Variants in LRRC4C observed in about 807,000 individuals in gnomAD.
LRRC4C encodes leucine-rich repeat-containing protein 4C.
A neutral mutation model predicts 33.6 loss-of-function variants in LRRC4C; 5 were observed. That is an observed-to-expected ratio of 0.15 (90% CI 0.08 to 0.31). The LOEUF is 0.31. LRRC4C is among the 10% of genes least tolerant of loss of function. LRRC4C has a pLI of 1.00. For synonymous variants in LRRC4C, 329 were observed against 302.0 expected, an observed-to-expected ratio of 1.09 and a Z score of -0.93; for missense variants, 560 against 796.7, an observed-to-expected ratio of 0.70 and a Z score of 3.58.
At chr11:40,418,660 C>T (rs12226351) in intron 3 of LRRC4C, among the ~76,000 whole-genome samples, 51,527 of 152,084 alleles carry the variant, frequency 0.34, 9,902 homozygotes, top group South Asian at 0.46. Flanking sequence ...TGCATGCACA[C>T]GTATGTTCAC....
chr11:41,115,880 G>A (rs1942094949), intron 1 of LRRC4C, among the ~76,000 whole-genome samples: 1 of 152,120 alleles, frequency 6.6e-6, no homozygotes, highest in East Asian at 1.9e-4. Context: ...CTATTTGCCT[G>A]CCTCCTAGCT....
At chr11:40,212,762 G>A (rs750298099) in intron 5 of LRRC4C, among the ~76,000 whole-genome samples, 5 of 152,088 alleles carry the variant, frequency 3.3e-5, no homozygotes, top group African/African-American at 4.8e-5. Flanking sequence ...CTTGTACAAG[G>A]TCACATACCT....
At chr11:41,429,419 A>G (rs1414328715) in intron 1 of LRRC4C, among the ~76,000 whole-genome samples, 3 of 152,180 alleles carry the variant, frequency 2.0e-5, no homozygotes, top group Non-Finnish European at 4.4e-5. Context: ...CATGGGATTG[A>G]GTAGTCTTGT....
chr11:41,174,974 ATTAAT>A (rs1331876125), intron 1 of LRRC4C, among the ~76,000 whole-genome samples: 1 of 151,896 alleles, frequency 6.6e-6, no homozygotes, highest in Non-Finnish European at 1.5e-5. Flanking sequence ...AATTAATTAA[ATTAAT>A]TTAATTAATG....
At chr11:40,457,313 C>G (rs1380235579) in intron 3 of LRRC4C, among the ~76,000 whole-genome samples, 1 of 151,856 alleles carries the variant, frequency 6.6e-6, no homozygotes, top group Non-Finnish European at 1.5e-5. Context: ...TAAATTCATA[C>G]CCATTGTATA....
At chr11:40,409,723 T>C (rs1315073176) in intron 3 of LRRC4C, among the ~76,000 whole-genome samples, 2 of 151,818 alleles carry the variant, frequency 1.3e-5, no homozygotes, top group Non-Finnish European at 2.9e-5. Context: ...ATAAAAAAGA[T>C]GAAAATAACA....
chr11:40,115,983 T>C lies in LRRC4C; in HGVS notation c.310A>G (p.Ile104Val). 6.2e-7 allele frequency: 1 copy of C among 1,614,084 alleles called. No individual in the cohort carries two copies. The highest frequency in any genetic ancestry group is 8.5e-7 in the Non-Finnish European group (1 of 1,180,008). The stretch of plus-strand genomic sequence containing the variant: ...ATATGGTTCCTACTCAACTGTAGGA[T>C]TTCCAAGTGTCTCAAGTGCTTGAAG... ...NSFKHLRHLE[I>V]LQLSRNHIRT... Residue 104 changes from isoleucine to valine, a missense_variant, in exon 7 of 7, where the codon ATC becomes GTC. By Grantham distance (29) the Ile-to-Val change is conservative (BLOSUM62 3). This residue lies in a region of LRRC4C where 455 missense variants were observed against 643.8 expected (regional missense o/e 0.71). Transcript: ENST00000528697. The surrounding 1 kb of genome is among the most constrained non-coding windows in gnomAD (Gnocchi z 6.7).
chr11:40,364,253 A>G (rs1278185995), intron 3 of LRRC4C, among the ~76,000 whole-genome samples: 1 of 152,158 alleles, frequency 6.6e-6, no homozygotes, highest in Non-Finnish European at 1.5e-5. Flanking sequence ...CAAAAAAATC[A>G]GCCAATGAAA....
intron 3 of LRRC4C, among the ~76,000 whole-genome samples, chr11:40,587,871 G>A (rs189292924): frequency 7.9e-5 from 12 of 152,188 alleles, no homozygotes; most frequent in Non-Finnish European, 1.3e-4. Flanking sequence ...TGCTGGATTC[G>A]TTTTGCCACT....
intron 1 of LRRC4C, among the ~76,000 whole-genome samples, chr11:41,409,469 C>A (rs2138196603): frequency 6.6e-6 from 1 of 152,220 alleles, no homozygotes; most frequent in East Asian, 1.9e-4. Context: ...TTATTTAATC[C>A]TCATGAAATT....
intron 3 of LRRC4C, among the ~76,000 whole-genome samples, chr11:40,440,295 CTTTCTTT>C (rs1482892077): frequency 5.8e-5 from 7 of 120,732 alleles, no homozygotes; most frequent in East Asian, 5.2e-4. Context: ...AGTTTGGTCT[CTTTCTTT>C]TTTTTTTTTT....
At chr11:40,298,151 A>G (rs1429676259) in intron 4 of LRRC4C, among the ~76,000 whole-genome samples, 2 of 152,234 alleles carry the variant, frequency 1.3e-5, no homozygotes, top group African/African-American at 2.4e-5. Context: ...AAGATGAGAT[A>G]CTTGTCATAA....
At chr11:40,696,548 T>C (rs987165222) in intron 2 of LRRC4C, among the ~76,000 whole-genome samples, 2 of 149,114 alleles carry the variant, frequency 1.3e-5, no homozygotes, top group South Asian at 2.1e-4. Flanking sequence ...GTATTTTTCT[T>C]TTTATTGACT....
chr11:40,921,998 G>A (rs1396774729), intron 2 of LRRC4C, among the ~76,000 whole-genome samples: 1 of 152,116 alleles, frequency 6.6e-6, no homozygotes, highest in African/African-American at 2.4e-5. Flanking sequence ...AAATGGCAGT[G>A]TCTCATGAGT....
At chr11:40,401,238 T>C (rs1440890647) in intron 3 of LRRC4C, among the ~76,000 whole-genome samples, 2 of 151,546 alleles carry the variant, frequency 1.3e-5, no homozygotes, top group South Asian at 2.1e-4. Context: ...AATCTCCCTC[T>C]CTCTCTCTCT....
chr11:40,398,199 C>T (rs1949617580), intron 3 of LRRC4C, among the ~76,000 whole-genome samples: 1 of 151,476 alleles, frequency 6.6e-6, no homozygotes, highest in African/African-American at 2.4e-5. Flanking sequence ...TATGGCTTAC[C>T]AATATGAAGA....
intron 1 of LRRC4C, among the ~76,000 whole-genome samples, chr11:40,959,848 AC>A (rs1192753044): frequency 3.3e-5 from 5 of 151,696 alleles, no homozygotes; most frequent in Non-Finnish European, 5.9e-5. Context: ...TCAACACCCA[AC>A]AAAAACCCAC....
At chr11:40,824,580 C>T (rs972124636) in intron 2 of LRRC4C, among the ~76,000 whole-genome samples, 5 of 151,872 alleles carry the variant, frequency 3.3e-5, no homozygotes, top group African/African-American at 4.8e-5. Context: ...GTTTTTCTAA[C>T]TATTCTATTA....
intron 3 of LRRC4C, among the ~76,000 whole-genome samples, chr11:40,466,673 G>A (rs781616291): frequency 6.6e-6 from 1 of 151,786 alleles, no homozygotes; most frequent in Non-Finnish European, 1.5e-5. Flanking sequence ...AATATGATTA[G>A]AATTTGAATC....
Sources: allele counts gnomAD v4.1 joint callset (sites outside exome capture counted in the v4.1 genomes callset), GRCh38; gene constraint gnomAD v4.1.1; regional missense constraint gnomAD v4.1.1; non-coding constraint Gnocchi (gnomAD v3.1); transcripts MANE v1.5; gene names NCBI Gene and HGNC (gene_info 2026-07-23, HGNC 2026-07-21).